The following FUBP1 variants were observed in gnomAD, a reference collection of about 807,000 sequenced individuals.
FUBP1 encodes far upstream element-binding protein 1.
FUBP1 carries 16 observed loss-of-function variants against 94.9 expected under a neutral mutation model. The ratio of observed to expected loss-of-function variants is 0.17; its 90% confidence interval spans 0.11 to 0.26. The LOEUF is 0.26. FUBP1 is among the 10% of genes least tolerant of loss of function. The pLI is 1.00. For synonymous variants in FUBP1, 279 were observed against 254.9 expected, an observed-to-expected ratio of 1.09 and a Z score of -0.90; for missense variants, 583 against 808.6, an observed-to-expected ratio of 0.72 and a Z score of 3.38.
In FUBP1 at chr1:77,946,953, G is replaced by A; in HGVS notation, c.*1813C>T. 1 of 204,872 alleles carries A rather than the reference G, an allele frequency of 4.9e-6. No homozygotes were observed. Among genetic ancestry groups the A allele is most frequent in the Non-Finnish European group, 1.0e-5 (1 of 100,148 alleles). The allele number at this position is 204,872 out of a possible 1,614,324, so 12.7% of individuals were successfully genotyped here. A position where few individuals can be genotyped will look rare whatever the true frequency, so the allele number is the denominator to read the frequency against. On this transcript the variant is annotated 3_prime_UTR_variant, in exon 20 of 20. Coordinates refer to ENST00000370768, the MANE Select transcript of FUBP1 (RefSeq NM_003902.5). ...CTGTACTGCTATTTCCATCCTGTAGGTAATCTCAACATTTATGTCCTTGTA... is the reference window on the plus strand; with the variant it reads ...CTGTACTGCTATTTCCATCCTGTAGATAATCTCAACATTTATGTCCTTGTA...
In FUBP1 at chr1:77,974,613, T is replaced by C. The variant is rs1054769321; in HGVS notation, c.120+4272A>G. 9.2e-5 allele frequency among the ~76,000 whole-genome samples: 14 copies of C among 152,216 alleles called. No individual in the cohort carries two copies. The East Asian group carries it at 9.6e-4, about 10-fold the overall frequency. On this transcript the variant is annotated intron_variant, in intron 1 of 19. Coordinates refer to ENST00000370768, the MANE Select transcript of FUBP1 (RefSeq NM_003902.5). The stretch of plus-strand genomic sequence containing the variant: ...CGTCATAGTTAAAGTGTTAAGATTA[T>C]AGGTGTGAACCACTATGCCCAGTCT...
At chr1:77,966,789 G>C (rs2102418514) in intron 6 of FUBP1, 38 bp from the exon 7 acceptor site, 1 of 1,365,980 alleles carries the variant, frequency 7.3e-7, no homozygotes, top group Non-Finnish European at 1.0e-6. Context: ...CAGGTCAAAA[G>C]ATTAAAAGTA....
In FUBP1 at chr1:77,963,652, T is replaced by C. The variant is rs1159259123; in HGVS notation, c.1105A>G (p.Asn369Asp). The C allele has an allele frequency of 6.2e-7, 1 of 1,606,974 alleles. No homozygotes were observed. Among genetic ancestry groups the C allele is most frequent in the East Asian group, 2.2e-5 (1 of 44,838 alleles). The change falls in exon 13 of 20, where the codon AAC (asparagine) becomes GAC (aspartate). Residue 369 changes from asparagine to aspartate, a missense_variant. Transcript: ENST00000370768. ...TGTAGTCCACCAGGTGGTCCCATGT[T>C]CCAGTTGCCTTGACCTCTACCTCTT... ...RGRGRGQGNWNMGPPGGLQEF... is the reference protein window; with the variant it reads ...RGRGRGQGNWDMGPPGGLQEF...
chr1:77,975,877 A>G (rs1347055997), intron 1 of FUBP1, among the ~76,000 whole-genome samples: 3 of 146,172 alleles, frequency 2.1e-5, no homozygotes, highest in Non-Finnish European at 4.5e-5. Context: ...TAAAAGCCAG[A>G]AAAAAAAAAA....
At chr1:77,959,838 G>T (rs778463289) in intron 16 of FUBP1, among the ~76,000 whole-genome samples, 2 of 152,208 alleles carry the variant, frequency 1.3e-5, no homozygotes. Context: ...TTCTAAATAA[G>T]TAAAAACTAT....
rs948303192 is a variant in FUBP1, at chr1:77,946,020, A to G, written c.*2746T>C. ...TCAGCATATAACTTTTGTCTAAGAA[A>G]AAAATCATAATAAAATTCTAACCCA... On this transcript the variant is annotated 3_prime_UTR_variant, in exon 20 of 20. Coordinates refer to ENST00000370768, the MANE Select transcript of FUBP1 (RefSeq NM_003902.5). The G allele has an allele frequency of 5.1e-6, 1 of 197,428 alleles. No homozygotes were observed. Among genetic ancestry groups the G allele is most frequent in the Non-Finnish European group, 1.1e-5 (1 of 95,146 alleles). 12.2% of individuals were successfully genotyped at this position (197,428 alleles called of 1,614,324 possible).
rs2102455367 is a variant in FUBP1, at chr1:77,970,009, C to A, written c.127G>T (p.Ala43Ser). The A allele has an allele frequency of 6.4e-7, 1 of 1,550,404 alleles. No homozygotes were observed. The highest frequency in any genetic ancestry group is 1.8e-5 in the Admixed American group (1 of 55,040). Residue 43 changes from alanine (A) to serine (S), a missense_variant, in exon 2 of 20, where the codon GCA becomes TCA. Physicochemically the swap from Ala to Ser is moderately conservative, Grantham distance 99. Coordinates refer to ENST00000370768, the MANE Select transcript of FUBP1 (RefSeq NM_003902.5). ...GTCCCTGCATCACCTCCAATTTTTG[C>A]TGCAATCTAAAAAAAAAAAAGAAAA... ...DALQRARQIA[A>S]KIGGDAGTSL...
intron 18 of FUBP1, 73 bp from the exon 19 acceptor site, chr1:77,949,373 A>G: frequency 8.4e-7 from 1 of 1,196,964 alleles, no homozygotes; most frequent in Non-Finnish European, 1.2e-6. Flanking sequence ...TAAAAACAAT[A>G]CCTTGCTTCT....
At chr1:77,950,627 A>G (rs1416773592) in intron 18 of FUBP1, among the ~76,000 whole-genome samples, 1 of 152,236 alleles carries the variant, frequency 6.6e-6, no homozygotes, top group Admixed American at 6.5e-5. Context: ...TTTCTAAATA[A>G]AAAATTGAGA....
At chr1:77,954,881 G>A (rs905147111) in intron 18 of FUBP1, among the ~76,000 whole-genome samples, 1 of 152,172 alleles carries the variant, frequency 6.6e-6, no homozygotes, top group Non-Finnish European at 1.5e-5. Context: ...TTCCGTCACT[G>A]CAGATTACTT....
chr1:77,948,848 G>T (rs1652748936), intron 19 of FUBP1, 74 bp from the exon 20 acceptor site: 4 of 1,593,890 alleles, frequency 2.5e-6, no homozygotes, highest in Non-Finnish European at 3.4e-6. Flanking sequence ...ATTCAGGAGT[G>T]AATCCTTTAA....
At chr1:77,971,105 G>A (rs1351121874) in intron 1 of FUBP1, among the ~76,000 whole-genome samples, 2 of 151,204 alleles carry the variant, frequency 1.3e-5, no homozygotes, top group Non-Finnish European at 2.9e-5. Flanking sequence ...GGCACAATCA[G>A]CAGATACTTA....
intron 14 of FUBP1, 143 bp downstream of exon 14, chr1:77,962,627 G>T: frequency 2.2e-6 from 1 of 463,794 alleles, no homozygotes; most frequent in Non-Finnish European, 3.8e-6. Context: ...AAATCTTCAC[G>T]TTGTATCTAT....
At chr1:77,977,804 A>G (rs72685368) in intron 1 of FUBP1, among the ~76,000 whole-genome samples, 29,456 of 152,170 alleles carry the variant, frequency 0.19, 3,068 homozygotes, top group African/African-American at 0.26. Flanking sequence ...TGGTTATAAA[A>G]AAGTACAGGT....
chr1:77,951,455 T>C (rs148187428), intron 18 of FUBP1, among the ~76,000 whole-genome samples: 2 of 152,302 alleles, frequency 1.3e-5, no homozygotes, highest in East Asian at 3.9e-4. Context: ...GTGATTTATT[T>C]TGCCCAGTTG....
At position 77,949,149 on chromosome 1, in the gene FUBP1, T is replaced by C. The variant is rs1274056962; in HGVS notation, c.1926+6A>G. 6.2e-7 allele frequency: 1 copy of C among 1,610,166 alleles called. No individual in the cohort carries two copies. The highest frequency in any genetic ancestry group is 2.2e-5 in the East Asian group (1 of 44,884). ...AGAAATCAACAAATTAGCAATTACA[T>C]TATACCTGAGGTGCTGGAGGATGCT... On this transcript the variant is annotated splice_donor_region_variant and intron_variant, in intron 19 of 19. Transcript: ENST00000370768.
At chr1:77,957,766 T>C (rs1654738953) in intron 16 of FUBP1, among the ~76,000 whole-genome samples, 2 of 152,092 alleles carry the variant, frequency 1.3e-5, no homozygotes, top group Non-Finnish European at 2.9e-5. Context: ...AATTGCCCAA[T>C]GTACTGCTTT....
At chr1:77,960,065 G>C (rs1655172398) in intron 16 of FUBP1, 119 bp downstream of exon 16, 1 of 725,526 alleles carries the variant, frequency 1.4e-6, no homozygotes, top group Non-Finnish European at 2.4e-6. Flanking sequence ...TAACACTGTT[G>C]AAAGAGTAAA....
At chr1:77,955,127 A>C in intron 18 of FUBP1, 128 bp downstream of exon 18, 3 of 559,672 alleles carry the variant, frequency 5.4e-6, no homozygotes, top group Non-Finnish European at 9.5e-6. Flanking sequence ...AAATTTAAAA[A>C]CTATAATTTA....
Sources: gnomAD v4.1 joint callset for allele counts (sites outside exome capture counted in the v4.1 genomes callset) on GRCh38, gnomAD v4.1.1 for gene constraint, MANE v1.5 for transcripts, NCBI Gene and HGNC (gene_info 2026-07-23, HGNC 2026-07-21) for gene names.